PRKDC: variants seen among roughly 807,000 people sequenced by gnomAD.
PRKDC encodes DNA-dependent protein kinase catalytic subunit.
In PRKDC, 82 loss-of-function variants were observed where a neutral mutation model predicts 486.9. The observed-to-expected ratio is 0.17, with a 90% confidence interval of 0.14 to 0.20. PRKDC has a LOEUF of 0.20. PRKDC is among the 10% of genes least tolerant of loss of function. The pLI is 1.00. For missense variants in PRKDC, 4,504 were observed against 5,038.2 expected (o/e 0.89, Z 3.21); for synonymous variants, 1,895 against 1,837.0 (o/e 1.03, Z -0.81).
intron 80 of PRKDC, among the ~76,000 whole-genome samples, chr8:47,781,315 G>A (rs905171292): frequency 2.0e-5 from 3 of 152,198 alleles, no homozygotes; most frequent in Middle Eastern, 3.2e-3. Context: ...CTAAAAGTTG[G>A]TGAACACTGC....
At chr8:47,911,238 T>C (rs1009164262) in intron 25 of PRKDC, among the ~76,000 whole-genome samples, 2 of 152,194 alleles carry the variant, frequency 1.3e-5, no homozygotes, top group Non-Finnish European at 2.9e-5. Context: ...GCTCTGTCCA[T>C]GCAGAGTTTA....
Position 47,858,986 on chromosome 8 carries a change from C to T in PRKDC, c.6208G>A (p.Glu2070Lys). Residue 2070 changes from glutamate (E) to lysine (K), a missense_variant and splice_region_variant, in exon 47 of 86, where the codon GAG becomes AAG. This residue lies in a region of PRKDC where 1,592 missense variants were observed against 1,724.6 expected (regional missense o/e 0.92). Coordinates refer to ENST00000314191, the MANE Select transcript of PRKDC (RefSeq NM_006904.7). ...RPATGRFRRR[E>K]QRDPTVHDDV... Reference sequence around the variant, plus strand: ...TCATGCACCGTGGGGTCCCGCTGCTCCTGCGAAAGGGAGGGCCCAGGAGAG... The same window carrying T: ...TCATGCACCGTGGGGTCCCGCTGCTTCTGCGAAAGGGAGGGCCCAGGAGAG... The T allele has an allele frequency of 6.2e-7, 1 of 1,612,438 alleles. No individual in the cohort carries two copies.
chr8:47,853,787 A>G (rs1325254031), intron 51 of PRKDC, among the ~76,000 whole-genome samples: 1 of 152,200 alleles, frequency 6.6e-6, no homozygotes, highest in East Asian at 1.9e-4. Context: ...TGCCCCAAAC[A>G]TTTCTTCCAA....
At chr8:47,830,866 G>C in intron 60 of PRKDC, 130 bp from the exon 61 acceptor site, 7 of 1,111,934 alleles carry the variant, frequency 6.3e-6, no homozygotes, top group Non-Finnish European at 9.2e-6. Flanking sequence ...GCTCGCAGAG[G>C]CTCAGTCGCC....
intron 38 of PRKDC, among the ~76,000 whole-genome samples, chr8:47,880,104 C>A (rs1170410261): frequency 6.6e-6 from 1 of 152,130 alleles, no homozygotes; most frequent in African/African-American, 2.4e-5. Context: ...CTGCCTTGGC[C>A]TCCCAAAATG....
chr8:47,878,856 C>T (rs749672754), intron 39 of PRKDC, among the ~76,000 whole-genome samples: 2 of 152,072 alleles, frequency 1.3e-5, no homozygotes, highest in Non-Finnish European at 2.9e-5. Context: ...GAAAACAAAA[C>T]AAAACAAAAA....
rs188401623 is a variant in PRKDC, at chr8:47,911,780, T to A, written c.2934+630A>T. On this transcript the variant is annotated intron_variant, in intron 25 of 85. Coordinates refer to ENST00000314191, the MANE Select transcript of PRKDC (RefSeq NM_006904.7). ...CTATTTTTTATTTATTTATTTATTT[T>A]TTTTTTTGAGAATGAGTCTCACTCT... Among the ~76,000 whole-genome samples the A allele has an allele frequency of 6.4e-3, 977 of 152,056 alleles. 8 individuals are homozygous for A. Among genetic ancestry groups the A allele is most frequent in the African/African-American group, 0.014 (573 of 41,488 alleles).
chr8:47,938,182 G>A (rs375527605), intron 11 of PRKDC, among the ~76,000 whole-genome samples: 5 of 151,786 alleles, frequency 3.3e-5, no homozygotes, highest in South Asian at 4.2e-4. Context: ...CAAGGTGGGC[G>A]GATCACCTGA....
At chr8:47,839,308 C>T (rs1252419919) in intron 55 of PRKDC, 62 bp from the exon 56 acceptor site, 3 of 1,123,858 alleles carry the variant, frequency 2.7e-6, no homozygotes, top group East Asian at 4.8e-5. Context: ...TTTTGTTCAA[C>T]TACAGTAACA....
intron 38 of PRKDC, among the ~76,000 whole-genome samples, chr8:47,881,058 AAAAG>A (rs1348547483): frequency 6.8e-5 from 10 of 147,954 alleles, no homozygotes; most frequent in African/African-American, 2.6e-4. Context: ...AAAAAAAAAA[AAAAG>A]AAAGCAAGAA....
At chr8:47,817,682 T>C in intron 67 of PRKDC, 121 bp from the exon 68 acceptor site, 1 of 613,070 alleles carries the variant, frequency 1.6e-6, no homozygotes, top group South Asian at 2.6e-5. Flanking sequence ...AAGTCCTTTC[T>C]TTTACAAAAG....
At chr8:47,841,281 C>A (rs191781495) in intron 54 of PRKDC, among the ~76,000 whole-genome samples, 1 of 152,286 alleles carries the variant, frequency 6.6e-6, no homozygotes, top group Non-Finnish European at 1.5e-5. Context: ...AAATGCAACC[C>A]CAGGCACCCA....
chr8:47,789,837 T>C (rs879852839), intron 74 of PRKDC, among the ~76,000 whole-genome samples: 2 of 152,180 alleles, frequency 1.3e-5, no homozygotes, highest in Admixed American at 1.3e-4. Context: ...TTTTAACGGA[T>C]GTTGAAAAAG....
intron 23 of PRKDC, 69 bp from the exon 24 acceptor site, chr8:47,914,133 A>T (rs1291844613): frequency 1.6e-6 from 2 of 1,270,326 alleles, no homozygotes; most frequent in Non-Finnish European, 2.0e-6. Flanking sequence ...TTATTCACAA[A>T]TCAAAACATT....
At chr8:47,896,427 C>T (rs2089583040) in intron 30 of PRKDC, among the ~76,000 whole-genome samples, 1 of 151,976 alleles carries the variant, frequency 6.6e-6, no homozygotes, top group South Asian at 2.1e-4. Context: ...GCGGGTGGAT[C>T]ACGAGGTCAG....
chr8:47,940,472 A>T (rs1463931875), intron 10 of PRKDC, among the ~76,000 whole-genome samples: 1 of 152,096 alleles, frequency 6.6e-6, no homozygotes, highest in East Asian at 1.9e-4. Flanking sequence ...TTATCCATAC[A>T]CTTCCCAATC....
chr8:47,813,132 T>C (rs1360274811), intron 68 of PRKDC, among the ~76,000 whole-genome samples: 1 of 147,008 alleles, frequency 6.8e-6, no homozygotes, highest in African/African-American at 2.6e-5. Context: ...TATTTATTTA[T>C]TTTGAGACAG....
At chr8:47,923,756 C>A (rs1040859395) in intron 21 of PRKDC, among the ~76,000 whole-genome samples, 1 of 152,210 alleles carries the variant, frequency 6.6e-6, no homozygotes, top group Admixed American at 6.5e-5. Flanking sequence ...AGCCGTCAGT[C>A]AGCAAGGAGA....
intron 31 of PRKDC, 137 bp downstream of exon 31, chr8:47,893,002 A>G (rs2154501950): frequency 1.0e-6 from 1 of 969,294 alleles, no homozygotes; most frequent in African/African-American, 1.7e-5. Flanking sequence ...ACCCTTGCAG[A>G]GAAGTGACAT....
Sources: gnomAD v4.1 joint callset for allele counts (sites outside exome capture counted in the v4.1 genomes callset) on GRCh38, gnomAD v4.1.1 for gene constraint, gnomAD v4.1.1 regional missense constraint, MANE v1.5 for transcripts, NCBI Gene and HGNC (gene_info 2026-07-23, HGNC 2026-07-21) for gene names.